KAZN: variants seen among roughly 807,000 people sequenced by gnomAD.
The protein encoded by KAZN is kazrin, periplakin interacting protein.
Under a neutral mutation model 87.4 loss-of-function variants are expected in KAZN, and 40 were observed. The ratio of observed to expected loss-of-function variants is 0.46; its 90% CI spans 0.36 to 0.60. The LOEUF is 0.60. KAZN is among the 20% of genes least tolerant of loss of function. KAZN has a pLI of 0.00. For synonymous variants in KAZN, 466 were observed against 458.3 expected (o/e 1.02, Z -0.22); for missense variants, 898 against 1,073.9 (o/e 0.84, Z 2.29).
At chr1:14,473,354 C>A (rs1206293012) in intron 2 of KAZN, among the ~76,000 whole-genome samples, 1 of 152,142 alleles carries the variant, frequency 6.6e-6, no homozygotes, top group Non-Finnish European at 1.5e-5. Flanking sequence ...CTTGGCTGGG[C>A]GTGGTGGCTC....
intron 1 of KAZN, among the ~76,000 whole-genome samples, chr1:14,114,119 C>A (rs1300231554): frequency 6.6e-6 from 1 of 152,198 alleles, no homozygotes; most frequent in South Asian, 2.1e-4. Flanking sequence ...CGCTGAGCCC[C>A]AGGCCAGCCA....
At chr1:14,048,913 C>T (rs1470692355) in intron 1 of KAZN, among the ~76,000 whole-genome samples, 1 of 152,152 alleles carries the variant, frequency 6.6e-6, no homozygotes, top group African/African-American at 2.4e-5. Flanking sequence ...CCTATTTCTC[C>T]ACATCCTCTC....
chr1:14,938,542 C>CAA lies in KAZN; in HGVS notation c.227-22126_227-22125dup, dbSNP rs35014105. Among the ~76,000 whole-genome samples, 12 of 107,886 alleles carry CAA rather than the reference C, an allele frequency of 1.1e-4. No individual in the cohort carries two copies. The East Asian group carries it at 2.9e-3, about 26-fold the overall frequency. 70.8% of individuals were successfully genotyped at this position (107,886 alleles called of 152,430 possible). A position where few individuals can be genotyped will look rare whatever the true frequency, so the allele number is the denominator to read the frequency against. ...GGGCAACAAGAGGGAAACTCCATCTCAAAAAAAAAAAAAAAAAGGGTGCTG... is the reference window on the plus strand; with the variant it reads ...GGGCAACAAGAGGGAAACTCCATCTCAAAAAAAAAAAAAAAAAAAGGGTGCTG... On this transcript the variant is annotated intron_variant, in intron 1 of 14. Coordinates refer to ENST00000376030, the MANE Select transcript of KAZN (RefSeq NM_201628.3).
At chr1:14,569,364 CCAGGCTGGAGTGCAGT>C (rs1380274043) in intron 2 of KAZN, among the ~76,000 whole-genome samples, 2 of 136,456 alleles carry the variant, frequency 1.5e-5, no homozygotes, top group East Asian at 4.6e-4. Context: ...GCTCTGTCAC[CCAGGCTGGAGTGCAGT>C]GGCGAGATCT....
intron 2 of KAZN, among the ~76,000 whole-genome samples, chr1:14,181,327 C>A (rs1428172840): frequency 6.6e-6 from 1 of 152,130 alleles, no homozygotes; most frequent in African/African-American, 2.4e-5. Context: ...TTTTTGTGTT[C>A]ATTTGCCCCG....
intron 10 of KAZN, among the ~76,000 whole-genome samples, chr1:15,100,990 G>C (rs1641034991): frequency 6.6e-6 from 1 of 152,160 alleles, no homozygotes; most frequent in Admixed American, 6.5e-5. Context: ...AAATGAGGGG[G>C]GCTTAGGTGG....
rs956212341 is a variant in KAZN at position 14,769,410 on chromosome 1, G to A, written c.226+170187G>A. On this transcript the variant is annotated intron_variant, in intron 1 of 14. Transcript: ENST00000376030. The surrounding 1 kb of genome is among the most constrained non-coding windows in gnomAD (Gnocchi z 4.1). Reference sequence around the variant, plus strand: ...GCTCTCGTTGCCCAGGCTGGAGTGCGACGGCGCTATCTTGGCTCACTGCAA... The same window carrying A: ...GCTCTCGTTGCCCAGGCTGGAGTGCAACGGCGCTATCTTGGCTCACTGCAA... Among the ~76,000 whole-genome samples, 3 of 152,010 alleles carry A rather than the reference G, an allele frequency of 2.0e-5. No homozygotes were observed.
chr1:14,619,223 A>T (rs1489930526), intron 1 of KAZN, among the ~76,000 whole-genome samples: 1 of 151,876 alleles, frequency 6.6e-6, no homozygotes, highest in Non-Finnish European at 1.5e-5. Context: ...TTTAAGACAA[A>T]ATTTTACTCT....
rs1340933727 is a variant in KAZN at position 14,111,243 on chromosome 1, G to A, written c.92-69192G>A. Among the ~76,000 whole-genome samples, 4 of 134,422 alleles carry A rather than the reference G, an allele frequency of 3.0e-5. 2 individuals carry two copies. Among genetic ancestry groups the A allele is most frequent in the Non-Finnish European group, 6.4e-5 (4 of 62,872 alleles). The allele number at this position is 134,422 out of a possible 152,430, so 88.2% of individuals were successfully genotyped here. A position where few individuals can be genotyped will look rare whatever the true frequency, so the allele number is the denominator to read the frequency against. On this transcript the variant is annotated intron_variant, in intron 1 of 16. Transcript: ENST00000636203. ...GGCGCCTAGCCACAGCACACACGCG[G>A]GCTGCAGTCCAGGATATGCCGATCC... is the stretch of plus-strand genomic sequence containing the variant.
chr1:14,169,827 T>C (rs1370655815), intron 1 of KAZN, among the ~76,000 whole-genome samples: 1 of 152,186 alleles, frequency 6.6e-6, no homozygotes, highest in Non-Finnish European at 1.5e-5. Context: ...TTTGTCTCCA[T>C]GTGACAGAGA....
rs148874113 is a variant in KAZN, at chr1:14,774,235, G to A, written c.226+175012G>A. Among the ~76,000 whole-genome samples, 238 of 152,172 alleles carry A rather than the reference G, an allele frequency of 1.6e-3. 1 individual carries two copies. Among genetic ancestry groups the A allele is most frequent in the African/African-American group, 4.3e-3 (179 of 41,518 alleles). On this transcript the variant is annotated intron_variant, in intron 1 of 14. Coordinates refer to ENST00000376030, the MANE Select transcript of KAZN (RefSeq NM_201628.3). Reference sequence around the variant, plus strand: ...AGTAGAACTCCAGCTCTGTGGTCCCGGATTTGTGGACTTGGCAGGGTCGCC... The same window carrying A: ...AGTAGAACTCCAGCTCTGTGGTCCCAGATTTGTGGACTTGGCAGGGTCGCC...
chr1:14,418,493 T>TC (rs1665027839), intron 2 of KAZN, among the ~76,000 whole-genome samples: 1 of 152,204 alleles, frequency 6.6e-6, no homozygotes, highest in South Asian at 2.1e-4. Context: ...TTGTAAGTTT[T>TC]CGGGTGGGAA....
chr1:14,922,025 T>C (rs12137572), intron 1 of KAZN, among the ~76,000 whole-genome samples: 14,807 of 152,278 alleles, frequency 0.097, 944 homozygotes, highest in East Asian at 0.26. Flanking sequence ...TGCTATTTTT[T>C]TCTTGTTATG....
intron 1 of KAZN, among the ~76,000 whole-genome samples, chr1:14,124,669 A>T (rs1347444622): frequency 6.7e-6 from 1 of 149,956 alleles, no homozygotes; most frequent in African/African-American, 2.5e-5. Flanking sequence ...GGCCTCTCTC[A>T]GTTCCTGAAG....
At chr1:14,106,419 T>G (rs753984902) in intron 1 of KAZN, among the ~76,000 whole-genome samples, 5 of 152,194 alleles carry the variant, frequency 3.3e-5, no homozygotes, top group Non-Finnish European at 7.3e-5. Flanking sequence ...CTTACCGTAT[T>G]CCCTGTGGAA....
intron 2 of KAZN, among the ~76,000 whole-genome samples, chr1:14,538,945 C>T (rs1257837896): frequency 4.6e-5 from 7 of 152,162 alleles, no homozygotes; most frequent in Admixed American, 1.3e-4. Context: ...CCTTTAGTTG[C>T]TCCATTAGGG....
intron 1 of KAZN, among the ~76,000 whole-genome samples, chr1:14,609,192 C>T (rs1198882103): frequency 6.6e-6 from 1 of 152,140 alleles, no homozygotes; most frequent in African/African-American, 2.4e-5. Flanking sequence ...CAAGAAAAAA[C>T]AGGACTATTC....
At chr1:14,025,162 T>C (rs930778510) in intron 1 of KAZN, among the ~76,000 whole-genome samples, 32 of 152,304 alleles carry the variant, frequency 2.1e-4, no homozygotes, top group African/African-American at 7.7e-4. Context: ...TGCATCTGAA[T>C]TTGGAGGCTG....
intron 1 of KAZN, among the ~76,000 whole-genome samples, chr1:14,662,085 C>T (rs1639212279): frequency 6.6e-6 from 1 of 152,160 alleles, no homozygotes; most frequent in South Asian, 2.1e-4. Context: ...TCACACCTAC[C>T]TCATCTGAGG....
Sources: allele counts gnomAD v4.1 joint callset (sites outside exome capture counted in the v4.1 genomes callset), GRCh38; gene constraint gnomAD v4.1.1; non-coding constraint Gnocchi (gnomAD v3.1); transcripts MANE v1.5; gene names NCBI Gene and HGNC (gene_info 2026-07-23, HGNC 2026-07-21).